Variants in STOX2 observed in about 807,000 individuals in gnomAD.
The protein encoded by STOX2 is storkhead box 2, also known as storkhead-box protein 2.
In STOX2, 28 loss-of-function variants were observed where a neutral mutation model predicts 60.9. The observed-to-expected ratio is 0.46, with a 90% CI of 0.34 to 0.63. STOX2 has a LOEUF of 0.63. Ranked by LOEUF, STOX2 falls within the 30% of genes least tolerant of loss-of-function variation. The probability of loss-of-function intolerance (pLI) is 0.01; values close to 1 mark genes in which losing one functional copy is unlikely to be tolerated. For missense variants in STOX2, 1,024 were observed against 1,187.7 expected, an observed-to-expected ratio of 0.86 and a Z score of 2.03; for synonymous variants, 472 against 463.9, an observed-to-expected ratio of 1.02 and a Z score of -0.22.
At chr4:183,941,013 A>G (rs1471271255) in intron 1 of STOX2, among the ~76,000 whole-genome samples, 1 of 152,194 alleles carries the variant, frequency 6.6e-6, no homozygotes, top group African/African-American at 2.4e-5. Flanking sequence ...GGTGTGGCCA[A>G]CCGACCACTT....
At chr4:183,994,587 A>T (rs1316473790) in intron 1 of STOX2, among the ~76,000 whole-genome samples, 1 of 152,220 alleles carries the variant, frequency 6.6e-6, no homozygotes, top group African/African-American at 2.4e-5. Context: ...CTGCATTCAT[A>T]TAGGATCACA....
rs79510243 is a variant in STOX2, at chr4:183,857,579, A to G, written c.364+59524A>G. The stretch of plus-strand genomic sequence containing the variant: ...TCTACTTATTTTTCCTCTTCTCCAC[A>G]TAACTTAAAAGATGTTCTGCTTTCA... On this transcript the variant is annotated intron_variant, in intron 1 of 2. Coordinates refer to the STOX2 transcript ENST00000513034. Among the ~76,000 whole-genome samples the G allele has an allele frequency of 1.1e-3, 171 of 152,298 alleles. 2 individuals carry two copies. In the South Asian group the frequency reaches 0.022, roughly 20 times the overall value.
chr4:183,999,090 A>C (rs1360886150), intron 1 of STOX2, among the ~76,000 whole-genome samples: 1 of 152,134 alleles, frequency 6.6e-6, no homozygotes, highest in Non-Finnish European at 1.5e-5. Context: ...ACAAACAAAA[A>C]AACCCAGCTT....
Position 184,017,256 on chromosome 4 carries a change from G to A in STOX2, c.2753G>A (p.Cys918Tyr). 1 of 1,600,622 alleles carries A rather than the reference G, an allele frequency of 6.2e-7. No homozygotes were observed. Among genetic ancestry groups the A allele is most frequent in the Non-Finnish European group, 8.5e-7 (1 of 1,173,394 alleles). ...EAEKLQKPSNCLQASVTSV is the reference protein window; with the variant it reads ...EAEKLQKPSNYLQASVTSV ...GAGAAGCTACAGAAACCTTCCAACT[G>A]CTTGCAAGCTTCTGTTACTAGCGTG... Residue 918 changes from cysteine (C) to tyrosine (Y), a missense_variant, in exon 4 of 4, where the codon TGC becomes TAC. Transcript: ENST00000308497.
At chr4:183,852,152 A>AAAGGATGAGGGAAAGGATGAGG (rs1560846231) in intron 1 of STOX2, among the ~76,000 whole-genome samples, 3 of 6,148 alleles carry the variant, frequency 4.9e-4, no homozygotes, top group Non-Finnish European at 7.0e-4. Context: ...AAAGGATGAG[A>AAAGGATGAGGGAAAGGATGAGG]GAAAGGATGA....
chr4:183,990,529 C>G (rs1439485351), intron 1 of STOX2, among the ~76,000 whole-genome samples: 2 of 145,430 alleles, frequency 1.4e-5, no homozygotes, highest in Non-Finnish European at 3.0e-5. Context: ...ACACATGGAA[C>G]CCTTTCAATA....
intron 1 of STOX2, among the ~76,000 whole-genome samples, chr4:183,860,088 CT>C (rs34734140): frequency 6.7e-6 from 1 of 149,420 alleles, no homozygotes; most frequent in Admixed American, 6.6e-5. Context: ...AAATCATATT[CT>C]TTTTTTTTTA....
rs970132880 is a variant in STOX2, at chr4:184,009,294, A to G, written c.456A>G (p.Arg152=). ...QTYFITPSLI[R]TNSKWYHLDE... ...ATTTCATAACTCCTTCCCTCATAAG[A>G]ACTAACAGTAAATGGTACCATTTGG... The change falls in exon 3 of 4, where the codon AGA becomes AGG. Residue 152 remains arginine (R), a synonymous_variant. Coordinates refer to ENST00000308497, the MANE Select transcript of STOX2 (RefSeq NM_020225.3). The surrounding 1 kb of genome is among the most constrained non-coding windows in gnomAD (Gnocchi z 4.0). The G allele has an allele frequency of 1.2e-5, 20 of 1,613,798 alleles. No homozygotes were observed. The Middle Eastern group carries it at 4.9e-4, about 40-fold the overall frequency.
intron 1 of STOX2, among the ~76,000 whole-genome samples, chr4:183,946,002 C>T (rs989100225): frequency 6.6e-6 from 1 of 152,132 alleles, no homozygotes; most frequent in African/African-American, 2.4e-5. Context: ...CTAAAGGGAA[C>T]AATTTAACAT....
chr4:183,877,794 C>T (rs1315693038), intron 1 of STOX2, among the ~76,000 whole-genome samples: 1 of 152,146 alleles, frequency 6.6e-6, no homozygotes, highest in African/African-American at 2.4e-5. Context: ...GATTCTCGTG[C>T]CTCAGCCTCC....
At chr4:183,961,677 A>C in intron 1 of STOX2, among the ~76,000 whole-genome samples, 1 of 152,230 alleles carries the variant, frequency 6.6e-6, no homozygotes, top group East Asian at 1.9e-4. Context: ...CCCATCACCC[A>C]GATAGTGTAC....
rs1579497357 is a variant in STOX2, at chr4:183,978,732, T to C, written c.167-22593T>C. Among the ~76,000 whole-genome samples, 6 of 152,298 alleles carry C rather than the reference T, an allele frequency of 3.9e-5. No homozygotes were observed. In the East Asian group the frequency reaches 1.2e-3, roughly 29 times the overall value. On this transcript the variant is annotated intron_variant, in intron 1 of 3. Coordinates refer to ENST00000308497, the MANE Select transcript of STOX2 (RefSeq NM_020225.3). ...AAAGTTACATGCTATATGATTCCAT[T>C]TATATGACACTCTAGAAATGGCAAA...
At chr4:183,894,916 G>A (rs1268341032) in intron 1 of STOX2, among the ~76,000 whole-genome samples, 1 of 152,138 alleles carries the variant, frequency 6.6e-6, no homozygotes. Context: ...TTTTGCATTC[G>A]TGTATATTCA....
chr4:183,932,574 G>A (rs776873636), intron 1 of STOX2, among the ~76,000 whole-genome samples: 1 of 151,636 alleles, frequency 6.6e-6, no homozygotes, highest in Non-Finnish European at 1.5e-5. Context: ...TTTCCTTTCT[G>A]TGTTAACCTC....
In STOX2 at chr4:183,856,398, A is replaced by G. The variant is rs1740287194; in HGVS notation, c.364+58343A>G. On this transcript the variant is annotated intron_variant, in intron 1 of 2. Transcript: ENST00000513034. This position sits in a 1 kb window ranked among gnomAD's most constrained non-coding sequence, Gnocchi z 4.0. The stretch of plus-strand genomic sequence containing the variant: ...CAGTTGCAAAGTGAACACTCGGATG[A>G]GTAGTTTTCAGCATTAAACACTTAA... Among the ~76,000 whole-genome samples, 4 of 152,260 alleles carry G rather than the reference A, an allele frequency of 2.6e-5. No homozygotes were observed. The South Asian group carries it at 8.3e-4, about 31-fold the overall frequency.
intron 1 of STOX2, among the ~76,000 whole-genome samples, chr4:183,971,708 C>A (rs948673389): frequency 5.9e-5 from 9 of 152,200 alleles, no homozygotes; most frequent in Non-Finnish European, 8.8e-5. Context: ...TGTAAAAAAT[C>A]TCAATGGCAG....
chr4:183,877,767 A>T (rs1579364615), intron 1 of STOX2, among the ~76,000 whole-genome samples: 1 of 151,714 alleles, frequency 6.6e-6, no homozygotes, highest in Non-Finnish European at 1.5e-5. Context: ...TGCAACCTCT[A>T]CCTCCTGAGC....
chr4:184,003,137 G>A (rs549322184), intron 2 of STOX2, among the ~76,000 whole-genome samples: 1 of 152,358 alleles, frequency 6.6e-6, no homozygotes, highest in East Asian at 1.9e-4. Flanking sequence ...AGTGGTCTTG[G>A]AGGAAGGACC....
At chr4:183,930,179 T>C (rs954645543) in intron 1 of STOX2, among the ~76,000 whole-genome samples, 1 of 150,524 alleles carries the variant, frequency 6.6e-6, no homozygotes, top group African/African-American at 2.4e-5. Flanking sequence ...TTTTTTTTTT[T>C]TTTTAAGACA....
Sources: gnomAD v4.1 joint callset for allele counts (sites outside exome capture counted in the v4.1 genomes callset) on GRCh38, gnomAD v4.1.1 for gene constraint, Gnocchi (gnomAD v3.1) non-coding constraint, MANE v1.5 for transcripts, NCBI Gene and HGNC (gene_info 2026-07-23, HGNC 2026-07-21) for gene names.